The following TAF2 variants were observed in gnomAD, a reference collection of about 807,000 sequenced individuals.
The protein encoded by TAF2 is TATA-box binding protein associated factor 2, also known as transcription initiation factor TFIID subunit 2.
Under a neutral mutation model 138.5 loss-of-function variants are expected in TAF2, and 61 were observed. That is an observed-to-expected ratio of 0.44 (90% CI 0.36 to 0.54). The LOEUF (loss-of-function observed/expected upper bound fraction) is 0.54, where lower values mean the gene tolerates loss of function less well. Ranked by LOEUF, TAF2 falls within the 20% of genes least tolerant of loss-of-function variation. TAF2 has a pLI of 0.00. For missense variants in TAF2, 1,090 were observed against 1,427.9 expected (o/e 0.76, Z 3.81); for synonymous variants, 475 against 469.9 (o/e 1.01, Z -0.14).
intron 16 of TAF2, among the ~76,000 whole-genome samples, chr8:119,782,826 G>A (rs1189076414): frequency 2.0e-5 from 3 of 152,068 alleles, no homozygotes; most frequent in African/African-American, 7.2e-5. Context: ...AATTATTACA[G>A]TGGGATAATT....
At chr8:119,832,251 A>G (rs1458620372) in intron 1 of TAF2, among the ~76,000 whole-genome samples, 1 of 152,232 alleles carries the variant, frequency 6.6e-6, no homozygotes, top group East Asian at 1.9e-4. Flanking sequence ...TGACAGAAAT[A>G]CAATCTAGTA....
chr8:119,812,718 GGTGTGTGTGTGTGTGT>G (rs201947539), intron 3 of TAF2, among the ~76,000 whole-genome samples: 3 of 143,864 alleles, frequency 2.1e-5, no homozygotes, highest in South Asian at 4.4e-4. Context: ...AGTATTCCAT[GGTGTGTGTGTGTGTGT>G]GTGTGTGTGT....
intron 14 of TAF2, among the ~76,000 whole-genome samples, chr8:119,786,660 G>A (rs149545008): frequency 2.7e-3 from 404 of 152,226 alleles, no homozygotes; most frequent in Middle Eastern, 6.8e-3. Flanking sequence ...GGTAGCTCAC[G>A]CCTGTAATCC....
chr8:119,743,368 T>TA (rs1419512175), intron 24 of TAF2, among the ~76,000 whole-genome samples: 2 of 147,540 alleles, frequency 1.4e-5, no homozygotes, highest in African/African-American at 5.0e-5. Flanking sequence ...CAGAATGAAA[T>TA]TAAAAAAAAA....
intron 18 of TAF2, among the ~76,000 whole-genome samples, chr8:119,773,135 CT>C (rs1821969517): frequency 6.7e-6 from 1 of 148,840 alleles, no homozygotes; most frequent in Non-Finnish European, 1.5e-5. Context: ...TAAAATTTTC[CT>C]TTTTTAAAAA....
At chr8:119,763,804 C>T (rs1032881605) in intron 18 of TAF2, among the ~76,000 whole-genome samples, 3 of 151,144 alleles carry the variant, frequency 2.0e-5, no homozygotes, top group East Asian at 2.0e-4. Flanking sequence ...AAGTGAGCCA[C>T]GATTGCACCA....
chr8:119,766,742 G>C (rs1479354950), intron 18 of TAF2, among the ~76,000 whole-genome samples: 1 of 152,146 alleles, frequency 6.6e-6, no homozygotes, highest in South Asian at 2.1e-4. Flanking sequence ...GTTGAGGCAG[G>C]AGAATTGCTT....
intron 23 of TAF2, 132 bp downstream of exon 23, chr8:119,746,573 C>A: frequency 3.1e-6 from 3 of 954,234 alleles, no homozygotes; most frequent in South Asian, 1.4e-5. Context: ...CAAATGTCAG[C>A]CAGCATTTTT....
chr8:119,742,576 T>C lies in TAF2; in HGVS notation c.3295A>G (p.Thr1099Ala), dbSNP rs1336243505. Residue 1099 changes from threonine (T) to alanine (A), a missense_variant, in exon 25 of 26, where the codon ACA becomes GCA. Transcript: ENST00000378164. Reference sequence around the variant, plus strand: ...AGTTCCAAACTCCACTGGGGTTTTGTGGTGGGTGTGCTGTCACAGCCTGCT... The same window carrying C: ...AGTTCCAAACTCCACTGGGGTTTTGCGGTGGGTGTGCTGTCACAGCCTGCT... The part of the protein sequence containing the change: ...HSAGCDSTPT[T>A]KPQWSLELAR... 2 of 1,614,002 alleles carry C rather than the reference T, an allele frequency of 1.2e-6. No homozygotes were observed. The highest frequency in any genetic ancestry group is 1.7e-6 in the Non-Finnish European group (2 of 1,179,968).
chr8:119,806,444 T>A, intron 3 of TAF2, 43 bp from the exon 4 acceptor site: 4 of 1,397,920 alleles, frequency 2.9e-6, no homozygotes, highest in African/African-American at 2.9e-5. Flanking sequence ...AAGCCATGTA[T>A]CTTACCAAGC....
chr8:119,812,755 A>G (rs917957776), intron 3 of TAF2, among the ~76,000 whole-genome samples: 69 of 139,512 alleles, frequency 4.9e-4, no homozygotes, highest in Non-Finnish European at 6.5e-4. Context: ...GTGTGTGTAT[A>G]TATGTGTGTA....
intron 25 of TAF2, among the ~76,000 whole-genome samples, chr8:119,740,721 A>C (rs1453419879): frequency 1.3e-5 from 2 of 150,984 alleles, no homozygotes; most frequent in Non-Finnish European, 3.0e-5. Context: ...CTACCTATAG[A>C]AAAACTGCAT....
At position 119,819,431 on chromosome 8, in the gene TAF2, T is replaced by C; in HGVS notation, c.214A>G (p.Ile72Val). 6.2e-7 allele frequency: 1 copy of C among 1,612,462 alleles called. No individual in the cohort carries two copies. The change falls in exon 3 of 26, where the codon ATA (isoleucine) becomes GTA (valine). Residue 72 changes from isoleucine to valine, a missense_variant. By Grantham distance (29) the Ile-to-Val change is conservative (BLOSUM62 3). Around this residue, in one of 3 missense-constraint regions of TAF2, gnomAD observed 504 missense variants for 680.9 expected, o/e 0.74. Transcript: ENST00000378164. Reference sequence around the variant, plus strand: ...AAATCATTGATCCTTACTCGGTATATTCTACACTGTTTGCTGTTCAACTTG... The same window carrying C: ...AAATCATTGATCCTTACTCGGTATACTCTACACTGTTTGCTGTTCAACTTG... ...RIKLNSKQCRIYRVRINDLEA... is the reference protein window; with the variant it reads ...RIKLNSKQCRVYRVRINDLEA...
At chr8:119,793,332 G>T in intron 10 of TAF2, 34 bp downstream of exon 10, 1 of 1,529,962 alleles carries the variant, frequency 6.5e-7, no homozygotes, top group South Asian at 1.1e-5. Flanking sequence ...ATATAGTCAA[G>T]GTTTATAATA....
intron 9 of TAF2, 31 bp downstream of exon 9, chr8:119,795,501 G>C (rs774000483): frequency 1.5e-5 from 23 of 1,556,600 alleles, no homozygotes; most frequent in Non-Finnish European, 1.9e-5. Flanking sequence ...CATAAGACTT[G>C]TAAGTGGATA....
rs534573886 is a variant in TAF2, at chr8:119,827,181, G to C, written c.138+4496C>G. 1.2e-3 allele frequency among the ~76,000 whole-genome samples: 182 copies of C among 152,192 alleles called. 1 individual carries two copies. Among genetic ancestry groups the C allele is most frequent in the African/African-American group, 4.2e-3 (173 of 41,526 alleles). ...TGCACTCCAGCCTAGGCGACAGTGA[G>C]ATCCTGTCTCAAAAAAAAAGGTTTT... On this transcript the variant is annotated intron_variant, in intron 2 of 25. Coordinates refer to ENST00000378164, the MANE Select transcript of TAF2 (RefSeq NM_003184.4).
At chr8:119,762,386 T>C (rs775460910) in intron 19 of TAF2, 29 bp downstream of exon 19, 4 of 1,603,564 alleles carry the variant, frequency 2.5e-6, no homozygotes, top group South Asian at 2.2e-5. Context: ...TAAGAACATA[T>C]AACTTTAAAG....
At chr8:119,802,817 C>A (rs1269973347) in intron 5 of TAF2, among the ~76,000 whole-genome samples, 1 of 152,156 alleles carries the variant, frequency 6.6e-6, no homozygotes, top group Non-Finnish European at 1.5e-5. Flanking sequence ...GAGGCTGAGG[C>A]AGGAGGATCA....
intron 6 of TAF2, among the ~76,000 whole-genome samples, chr8:119,801,195 A>G (rs1202202907): frequency 6.6e-6 from 1 of 152,222 alleles, no homozygotes; most frequent in African/African-American, 2.4e-5. Context: ...TGTCATTAGT[A>G]ATGAACAAAA....
Sources: gnomAD v4.1 joint callset for allele counts (sites outside exome capture counted in the v4.1 genomes callset) on GRCh38, gnomAD v4.1.1 for gene constraint, gnomAD v4.1.1 regional missense constraint, MANE v1.5 for transcripts, NCBI Gene and HGNC (gene_info 2026-07-23, HGNC 2026-07-21) for gene names.